DYM: variants seen among roughly 807,000 people sequenced by gnomAD.
DYM encodes dymeclin.
Under a neutral mutation model 93.1 loss-of-function variants are expected in DYM, and 78 were observed. That is an observed-to-expected ratio of 0.84 (90% CI 0.70 to 1.01). The LOEUF is 1.01. Ranked by LOEUF, DYM falls within the 50% of genes least tolerant of loss-of-function variation. DYM has a pLI of 0.00. For missense variants in DYM, 789 were observed against 845.0 expected (o/e 0.93, Z 0.82); for synonymous variants, 321 against 319.7 (o/e 1.00, Z -0.04).
At position 49,379,696 on chromosome 18, in the gene DYM, T is replaced by C; in HGVS notation, c.256A>G (p.Lys86Glu). 1.2e-6 allele frequency: 2 copies of C among 1,613,382 alleles called. No individual in the cohort carries two copies. Among genetic ancestry groups the C allele is most frequent in the South Asian group, 2.2e-5 (2 of 91,066 alleles). The change falls in exon 4 of 18, where the codon AAA (lysine) becomes GAA (glutamate). Residue 86 changes from lysine to glutamate, a missense_variant. By Grantham distance (56) the Lys-to-Glu change is moderately conservative (BLOSUM62 1). Around this residue, in one of 3 missense-constraint regions of DYM, gnomAD observed 450 missense variants for 436.2 expected, o/e 1.03. Coordinates refer to ENST00000675505, the MANE Select transcript of DYM (RefSeq NM_001353214.3). ...ALIKVFLSRT[K>E]ELKLSAECQN... ...CATTCTGCTGAAAGTTTTAGTTCTT[T>C]GGTTCTAGAAAGGAAGACCTTAATT...
At chr18:49,165,213 A>T (rs978716608) in intron 14 of DYM, among the ~76,000 whole-genome samples, 1 of 152,166 alleles carries the variant, frequency 6.6e-6, no homozygotes, top group African/African-American at 2.4e-5. Context: ...AAGCCAGTTT[A>T]CCATGAAAAC....
At chr18:49,323,495 G>A (rs1052527223) in intron 8 of DYM, among the ~76,000 whole-genome samples, 1 of 152,176 alleles carries the variant, frequency 6.6e-6, no homozygotes, top group Non-Finnish European at 1.5e-5. Context: ...AGAAGGTGGA[G>A]CTTTGGAAGG....
intron 15 of DYM, among the ~76,000 whole-genome samples, chr18:49,142,112 C>T (rs938677371): frequency 2.0e-5 from 3 of 151,842 alleles, no homozygotes; most frequent in Non-Finnish European, 4.4e-5. Context: ...CCGCCCACCT[C>T]GGTCTCCCAA....
chr18:49,091,944 A>G (rs1442404893), intron 17 of DYM, among the ~76,000 whole-genome samples: 2 of 152,156 alleles, frequency 1.3e-5, no homozygotes, highest in Non-Finnish European at 2.9e-5. Context: ...TCTCTGAGTT[A>G]CTAAATAATA....
In DYM at chr18:49,231,808, A is replaced by G. The variant is rs563922809; in HGVS notation, c.1461-22093T>C. ...CTGGAGCTAAAAAGTCACCAGAGGA[A>G]TCTTAGTCAAAGATTCCTCTAAATA... is the stretch of plus-strand genomic sequence containing the variant. On this transcript the variant is annotated intron_variant, in intron 13 of 17. Coordinates refer to ENST00000675505, the MANE Select transcript of DYM (RefSeq NM_001353214.3). 6.6e-5 allele frequency among the ~76,000 whole-genome samples: 10 copies of G among 152,294 alleles called. No individual in the cohort carries two copies. The South Asian group carries it at 2.1e-3, about 32-fold the overall frequency.
chr18:49,351,623 T>C (rs1428607352), intron 6 of DYM, among the ~76,000 whole-genome samples: 2 of 149,232 alleles, frequency 1.3e-5, no homozygotes, highest in African/African-American at 2.5e-5. Flanking sequence ...GATAATCAGA[T>C]GGCATCAGAA....
chr18:49,335,871 T>C (rs2063626018), intron 6 of DYM, among the ~76,000 whole-genome samples: 1 of 152,074 alleles, frequency 6.6e-6, no homozygotes, highest in Admixed American at 6.6e-5. Flanking sequence ...TGACACCTAG[T>C]GGCGCGATCT....
intron 6 of DYM, among the ~76,000 whole-genome samples, chr18:49,337,055 T>C (rs1239359074): frequency 6.6e-6 from 1 of 152,230 alleles, no homozygotes; most frequent in Non-Finnish European, 1.5e-5. Flanking sequence ...GAGGGATCTT[T>C]ACTGTTTTCA....
chr18:49,419,937 C>T (rs1047822871), intron 2 of DYM, among the ~76,000 whole-genome samples: 1 of 152,094 alleles, frequency 6.6e-6, no homozygotes, highest in Non-Finnish European at 1.5e-5. Flanking sequence ...TCCTCTAAGT[C>T]GTATCACTAT....
At chr18:49,289,772 T>TACACATATATATATATAC (rs2059975928) in intron 8 of DYM, among the ~76,000 whole-genome samples, 1 of 36,640 alleles carries the variant, frequency 2.7e-5, no homozygotes, top group Non-Finnish European at 4.9e-5. Context: ...TATATATATA[T>TACACATATATATATATAC]ACACATATAT....
At chr18:49,454,055 A>G (rs1024995242) in intron 1 of DYM, among the ~76,000 whole-genome samples, 8 of 152,218 alleles carry the variant, frequency 5.3e-5, no homozygotes, top group Non-Finnish European at 1.0e-4. Flanking sequence ...GATGCTGCAG[A>G]CAGAACCACA....
chr18:49,212,432 G>T (rs1021172674), intron 13 of DYM, among the ~76,000 whole-genome samples: 1 of 151,736 alleles, frequency 6.6e-6, no homozygotes, highest in African/African-American at 2.4e-5. Flanking sequence ...AAGCAAATGT[G>T]GTAAAATTTT....
chr18:49,457,916 G>A (rs938426977), intron 1 of DYM, among the ~76,000 whole-genome samples: 10 of 152,174 alleles, frequency 6.6e-5, no homozygotes, highest in African/African-American at 2.4e-4. Flanking sequence ...AGACAGAGGA[G>A]GTACGCCACA....
chr18:49,195,916 C>CTT (rs540189318), intron 14 of DYM, among the ~76,000 whole-genome samples: 5,997 of 83,916 alleles, frequency 0.071, 912 homozygotes, highest in Non-Finnish European at 0.09. Context: ...ATGCTACCAT[C>CTT]TTTTTTTTTT....
intron 16 of DYM, among the ~76,000 whole-genome samples, chr18:49,103,842 G>C (rs1277329472): frequency 6.6e-6 from 1 of 151,452 alleles, no homozygotes; most frequent in Non-Finnish European, 1.5e-5. Context: ...AAGTCAGGTA[G>C]CGTGATGCCT....
At position 49,115,210 on chromosome 18, in the gene DYM, G is replaced by C. The variant is rs114835386; in HGVS notation, c.1911+3534C>G. On this transcript the variant is annotated intron_variant, in intron 16 of 17. Coordinates refer to ENST00000675505, the MANE Select transcript of DYM (RefSeq NM_001353214.3). ...ATGCAATAAAAGCTAGTGATGATTAGAAAAGAAGCAAATGGCTTTTGATGT... is the reference window on the plus strand; with the variant it reads ...ATGCAATAAAAGCTAGTGATGATTACAAAAGAAGCAAATGGCTTTTGATGT... Among the ~76,000 whole-genome samples the C allele has an allele frequency of 6.7e-3, 1,021 of 152,244 alleles. 17 individuals are homozygous for C. The highest frequency in any genetic ancestry group is 0.024 in the African/African-American group (993 of 41,554).
chr18:49,085,050 A>G (rs558468068), intron 17 of DYM, among the ~76,000 whole-genome samples: 3 of 152,354 alleles, frequency 2.0e-5, no homozygotes, highest in African/African-American at 7.2e-5. Context: ...TTATTTGTAT[A>G]TATGATCTCT....
At chr18:49,190,917 A>G (rs1424443738) in intron 14 of DYM, among the ~76,000 whole-genome samples, 1 of 152,248 alleles carries the variant, frequency 6.6e-6, no homozygotes, top group Non-Finnish European at 1.5e-5. Context: ...GTAGAAATAC[A>G]GTATATAAAA....
intron 8 of DYM, among the ~76,000 whole-genome samples, chr18:49,296,958 A>G (rs1035324955): frequency 3.3e-5 from 5 of 152,186 alleles, no homozygotes; most frequent in Admixed American, 6.5e-5. Context: ...TCTTTTTCAC[A>G]TTCTATAAAT....
Sources: gnomAD v4.1 joint callset for allele counts (sites outside exome capture counted in the v4.1 genomes callset) on GRCh38, gnomAD v4.1.1 for gene constraint, gnomAD v4.1.1 regional missense constraint, MANE v1.5 for transcripts, NCBI Gene and HGNC (gene_info 2026-07-23, HGNC 2026-07-21) for gene names.